FCRL6: variants seen among roughly 807,000 people sequenced by gnomAD.
FCRL6 encodes Fc receptor like 6, also known as Fc receptor-like protein 6.
FCRL6 carries 50 observed loss-of-function variants against 49.1 expected under a neutral mutation model. The observed-to-expected ratio is 1.02, with a 90% CI of 0.81 to 1.29. The LOEUF (loss-of-function observed/expected upper bound fraction) is 1.29, where lower values mean the gene tolerates loss of function less well. Ranked by LOEUF, FCRL6 falls within the 50% of genes most tolerant of loss-of-function variation. The pLI is 0.00. For missense variants in FCRL6, 571 were observed against 518.5 expected, an observed-to-expected ratio of 1.10 and a Z score of -0.98; for synonymous variants, 213 against 199.6, an observed-to-expected ratio of 1.07 and a Z score of -0.57.
chr1:159,801,833 A>G (rs934261459), upstream of FCRL6, among the ~76,000 whole-genome samples: 2 of 152,146 alleles, frequency 1.3e-5, no homozygotes, highest in Non-Finnish European at 2.9e-5. Context: ...CCGAAGCTCC[A>G]TCTGTGTTCT....
At chr1:159,802,127 C>G (rs575913177), upstream of FCRL6, among the ~76,000 whole-genome samples, 9 of 152,126 alleles carry the variant, frequency 5.9e-5, no homozygotes, top group Admixed American at 3.9e-4. Flanking sequence ...ATCCTAGTTC[C>G]CTGGCATAGG....
upstream of FCRL6, chr1:159,802,339 C>G (rs184662133): frequency 6.5e-7 from 1 of 1,533,844 alleles, no homozygotes; most frequent in African/African-American, 1.4e-5. Flanking sequence ...CACCCACCTT[C>G]GGTCCTGAGG....
At chr1:159,812,665 G>A (rs1663158033) in intron 6 of FCRL6, among the ~76,000 whole-genome samples, 2 of 152,198 alleles carry the variant, frequency 1.3e-5, no homozygotes, top group Admixed American at 1.3e-4. Flanking sequence ...CTTAATCACT[G>A]GGGATCTGTC....
intron 6 of FCRL6, among the ~76,000 whole-genome samples, chr1:159,811,198 G>A (rs894122031): frequency 6.6e-6 from 1 of 152,172 alleles, no homozygotes; most frequent in Non-Finnish European, 1.5e-5. Context: ...AGTTTGGGGG[G>A]CCACGCATTT....
At chr1:159,805,806 C>A (rs761618797) in intron 1 of FCRL6, among the ~76,000 whole-genome samples, 5 of 152,246 alleles carry the variant, frequency 3.3e-5, no homozygotes, top group Admixed American at 6.5e-5. Flanking sequence ...CTGGTCACTT[C>A]CATACCCTTT....
intron 2 of FCRL6, among the ~76,000 whole-genome samples, 188 bp downstream of exon 2, chr1:159,806,804 G>T (rs1423291264): frequency 6.6e-6 from 1 of 152,178 alleles, no homozygotes; most frequent in African/African-American, 2.4e-5. Flanking sequence ...CTAGTCTAAG[G>T]CCAAGGGTAG....
chr1:159,807,685 G>C (rs1253261368), intron 2 of FCRL6, among the ~76,000 whole-genome samples: 4 of 152,178 alleles, frequency 2.6e-5, no homozygotes, highest in African/African-American at 4.8e-5. Flanking sequence ...CTTTCTGGTG[G>C]ACACAGATGC....
Position 159,815,491 on chromosome 1 carries a change from TCTCTC to T in FCRL6, c.1179+33_1179+37del. On this transcript the variant is annotated intron_variant, in intron 9 of 9. Transcript: ENST00000368106. The stretch of plus-strand genomic sequence containing the variant: ...TGGGATCCCTGCTCCTTTCTCACCC[TCTCTC>T]TTACATTTGCTTCCTCATCCTGAGC... The T allele has an allele frequency of 1.9e-6, 3 of 1,614,134 alleles. No homozygotes were observed. The South Asian group carries it at 3.3e-5, about 18-fold the overall frequency.
intron 6 of FCRL6, among the ~76,000 whole-genome samples, chr1:159,813,126 A>G (rs2101758832): frequency 6.6e-6 from 1 of 152,304 alleles, no homozygotes; most frequent in South Asian, 2.1e-4. Flanking sequence ...GGAAGATTAT[A>G]TTTTATTTGG....
At chr1:159,806,570 A>T in intron 1 of FCRL6, 26 bp from the exon 2 acceptor site, 1 of 1,609,260 alleles carries the variant, frequency 6.2e-7, no homozygotes, top group Non-Finnish European at 8.5e-7. Context: ...TACTTAACCT[A>T]ATTGTGTTAC....
chr1:159,810,372 C>T (rs1487303908), intron 6 of FCRL6, among the ~76,000 whole-genome samples, 156 bp downstream of exon 6: 4 of 152,196 alleles, frequency 2.6e-5, no homozygotes, highest in Non-Finnish European at 4.4e-5. Context: ...CAAAGGGGCA[C>T]ATGGAAGGAC....
chr1:159,809,308 G>T (rs1002050459), intron 4 of FCRL6, 63 bp downstream of exon 4: 6 of 1,525,806 alleles, frequency 3.9e-6, no homozygotes, highest in Middle Eastern at 2.3e-4. Flanking sequence ...GGGATCCCCT[G>T]GGACTAAAGG....
intron 5 of FCRL6, among the ~76,000 whole-genome samples, 160 bp downstream of exon 5, chr1:159,809,843 C>A (rs143908823): frequency 1.2e-3 from 188 of 152,254 alleles, no homozygotes; most frequent in Admixed American, 5.8e-3. Flanking sequence ...GTCCACTGAG[C>A]CTGGCAGAGA....
chr1:159,814,078 T>A (rs1414468286), intron 7 of FCRL6, 143 bp from the exon 8 acceptor site: 13 of 722,102 alleles, frequency 1.8e-5, no homozygotes, highest in Non-Finnish European at 3.1e-5. Context: ...ATGATGGCTA[T>A]CCCCACATTA....
intron 7 of FCRL6, 60 bp downstream of exon 7, chr1:159,813,614 G>A: frequency 6.9e-7 from 1 of 1,448,740 alleles, no homozygotes; most frequent in Non-Finnish European, 9.7e-7. Context: ...CTTCTTAAGG[G>A]AAGTAAGAAG....
intron 5 of FCRL6, 54 bp from the exon 6 acceptor site, chr1:159,810,040 A>G (rs79386772): frequency 3.2e-6 from 5 of 1,578,466 alleles, no homozygotes; most frequent in Non-Finnish European, 4.3e-6. Context: ...GCTAGAATGC[A>G]TTTCCGAATT....
intron 2 of FCRL6, 116 bp downstream of exon 2, chr1:159,806,732 A>C: frequency 9.7e-7 from 1 of 1,029,988 alleles, no homozygotes; most frequent in South Asian, 1.3e-5. Flanking sequence ...GCAGCACCAG[A>C]CTAGGCCCCT....
In FCRL6 at chr1:159,808,651, G is replaced by T. The variant is rs1270870272; in HGVS notation, c.319+207G>T. The T allele has an allele frequency of 6.2e-6, 4 of 644,900 alleles. No homozygotes were observed. The South Asian group carries it at 7.7e-5, about 12-fold the overall frequency. 39.9% of individuals were successfully genotyped at this position (644,900 alleles called of 1,614,324 possible). A position where few individuals can be genotyped will look rare whatever the true frequency, so the allele number is the denominator to read the frequency against. ...GACACATGTAGCCAGGGGAAGGAGG[G>T]GGGAGATTCTTGGGAAGGGGGCACT... is the stretch of plus-strand genomic sequence containing the variant. On this transcript the variant is annotated intron_variant, in intron 3 of 9. Coordinates refer to ENST00000368106, the MANE Select transcript of FCRL6 (RefSeq NM_001004310.3).
At position 159,804,973 on chromosome 1, in the gene FCRL6, A is replaced by T. The variant is rs1461448677; in HGVS notation, c.32-1623A>T. The stretch of plus-strand genomic sequence containing the variant: ...TTCACAACTACACTGTAAGAAAAAA[A>T]TGACTATTATCATTTCTATTATGTG... On this transcript the variant is annotated intron_variant, in intron 1 of 9. Coordinates refer to ENST00000368106, the MANE Select transcript of FCRL6 (RefSeq NM_001004310.3). Among the ~76,000 whole-genome samples the T allele has an allele frequency of 5.9e-5, 9 of 152,360 alleles. No homozygotes were observed. The East Asian group carries it at 1.7e-3, about 29-fold the overall frequency.
Sources: gnomAD v4.1 joint callset for allele counts (sites outside exome capture counted in the v4.1 genomes callset) on GRCh38, gnomAD v4.1.1 for gene constraint, MANE v1.5 for transcripts, NCBI Gene and HGNC (gene_info 2026-07-23, HGNC 2026-07-21) for gene names.